Variants in COX14 observed in about 807,000 individuals in gnomAD.
The protein encoded by COX14 is cytochrome c oxidase assembly factor COX14, also known as cytochrome c oxidase assembly protein COX14.
Under a neutral mutation model 5.8 loss-of-function variants are expected in COX14, and 3 were observed. The ratio of observed to expected loss-of-function variants is 0.51; its 90% CI spans 0.23 to 1.33. The LOEUF (loss-of-function observed/expected upper bound fraction) is 1.33. Among genes scored for constraint, COX14 ranks in the 40% most tolerant of loss-of-function variants. The pLI is 0.18. For synonymous variants in COX14, 25 were observed against 26.1 expected (o/e 0.96, Z 0.13); for missense variants, 72 against 72.1 (o/e 1.00, Z 0.01).
chr12:50,112,504 C>G, intron 1 of COX14: 1 of 983,452 alleles, frequency 1.0e-6, no homozygotes, highest in Non-Finnish European at 1.2e-6. Context: ...GTAGGTCAGT[C>G]TTGCTAGAGC....
rs147667471 is a variant in COX14 at position 50,117,168 on chromosome 12, C to T, written c.-8-2868C>T. Among the ~76,000 whole-genome samples the T allele has an allele frequency of 2.2e-3, 333 of 152,182 alleles. 3 individuals are homozygous for T. Among genetic ancestry groups the T allele is most frequent in the African/African-American group, 7.1e-3 (293 of 41,528 alleles). On this transcript the variant is annotated intron_variant, in intron 1 of 1. Transcript: ENST00000550487. The stretch of plus-strand genomic sequence containing the variant: ...GGGACTACAGCCATATGCCACCATG[C>T]GTGGCTAATTTAAAAAAAAATTTTT...
In COX14 at chr12:50,120,118, T is replaced by TG. The variant is rs34028295; in HGVS notation, c.81dup (p.Tyr28ValfsTer39). ...CCTCCATGATGCTTCTCACTGTGTA[T>TG]GGGGGGTACCTCTGCAGTGTCCGAG... On this transcript the variant is annotated frameshift_variant, in exon 2 of 2. Transcript: ENST00000550487. LOFTEE classifies it high-confidence loss of function. 1.1e-5 allele frequency: 18 copies of TG among 1,613,918 alleles called. No homozygotes were observed. Among genetic ancestry groups the TG allele is most frequent in the Middle Eastern group, 1.6e-4 (1 of 6,084 alleles).
intron 1 of COX14, among the ~76,000 whole-genome samples, chr12:50,118,981 T>C (rs1951106862): frequency 6.6e-6 from 1 of 152,182 alleles, no homozygotes; most frequent in African/African-American, 2.4e-5. Context: ...TCTTGTTTCC[T>C]AGCTTGGAAT....
chr12:50,112,326 A>G (rs920835112), intron 1 of COX14, 25 bp downstream of exon 1: 1 of 985,500 alleles, frequency 1.0e-6, no homozygotes, highest in Non-Finnish European at 1.2e-6. Flanking sequence ...AGGGCCGAGC[A>G]GGGGCTGCCA....
chr12:50,112,973 C>G (rs1257541536), intron 1 of COX14: 2 of 146,814 alleles, frequency 1.4e-5, no homozygotes, highest in East Asian at 4.1e-4. Flanking sequence ...TGCTTTGTCG[C>G]TCAGGCTGCA....
rs779967075 is a variant in COX14 at position 50,120,130 on chromosome 12, C to G, written c.87C>G (p.Leu29=). 3.7e-6 allele frequency: 6 copies of G among 1,613,956 alleles called. No individual in the cohort carries two copies. The highest frequency in any genetic ancestry group is 5.1e-6 in the Non-Finnish European group (6 of 1,179,918). The stretch of plus-strand genomic sequence containing the variant: ...TTCTCACTGTGTATGGGGGGTACCT[C>G]TGCAGTGTCCGAGTCTACCACTATT... ...MMLLTVYGGY[L]CSVRVYHYFQ... The change falls in exon 2 of 2, where the codon CTC becomes CTG. Residue 29 remains leucine, a synonymous_variant. Transcript: ENST00000550487.
Position 50,120,275 on chromosome 12 carries a change from C to T in COX14, c.*58C>T. On this transcript the variant is annotated 3_prime_UTR_variant, in exon 2 of 2. Transcript: ENST00000550487. ...CCCAAGGCATGCTGTGGAGAGACTT[C>T]ACCTGCCACCATTTCCAGGTCAACA... 1 of 1,412,404 alleles carries T rather than the reference C, an allele frequency of 7.1e-7. No individual in the cohort carries two copies. The highest frequency in any genetic ancestry group is 2.3e-5 in the East Asian group (1 of 43,512). 87.5% of individuals were successfully genotyped at this position (1,412,404 alleles called of 1,614,324 possible).
intron 1 of COX14, among the ~76,000 whole-genome samples, chr12:50,117,475 T>C (rs142319710): frequency 2.3e-3 from 353 of 152,258 alleles, no homozygotes; most frequent in African/African-American, 7.9e-3. Flanking sequence ...TAGGCCTCAC[T>C]GGCAGGCTTA....
chr12:50,118,049 CTTT>C (rs71676031), intron 1 of COX14, among the ~76,000 whole-genome samples: 3 of 143,974 alleles, frequency 2.1e-5, no homozygotes, highest in Non-Finnish European at 3.0e-5. Flanking sequence ...GGCACCCCCC[CTTT>C]TTTTTTTTTT....
chr12:50,117,581 C>CTT lies in COX14; in HGVS notation c.-8-2441_-8-2440dup, dbSNP rs397850921. On this transcript the variant is annotated intron_variant, in intron 1 of 1. Coordinates refer to ENST00000550487, the MANE Select transcript of COX14 (RefSeq NM_032901.4). ...CCACCCTGGCACTCTTTTTCTGTCT[C>CTT]TTTTTTTTTTTTTTTGAGACGGTGT... Among the ~76,000 whole-genome samples, 1,262 of 134,674 alleles carry CTT rather than the reference C, an allele frequency of 9.4e-3. 19 individuals carry two copies. Among genetic ancestry groups the CTT allele is most frequent in the African/African-American group, 0.03 (1,067 of 35,720 alleles). 88.4% of individuals were successfully genotyped at this position (134,674 alleles called of 152,430 possible). A position where few individuals can be genotyped will look rare whatever the true frequency, so the allele number is the denominator to read the frequency against.
intron 1 of COX14, chr12:50,118,431 C>A (rs1452589762): frequency 8.1e-6 from 8 of 985,086 alleles, no homozygotes; most frequent in African/African-American, 1.7e-5. Context: ...CCAACCCCGT[C>A]CTTGATGGAC....
At chr12:50,115,067 G>GTT (rs545838012) in intron 1 of COX14, among the ~76,000 whole-genome samples, 19 of 117,480 alleles carry the variant, frequency 1.6e-4, no homozygotes, top group South Asian at 8.7e-4. Flanking sequence ...TGCCCGGCCG[G>GTT]TTTTTTTTTT....
intron 1 of COX14, among the ~76,000 whole-genome samples, chr12:50,117,831 G>A (rs7953174): frequency 0.33 from 48,895 of 148,864 alleles, 8,764 homozygotes; most frequent in East Asian, 0.75. Context: ...TGCAGCCTCC[G>A]CCTCCGGGTT....
intron 1 of COX14, among the ~76,000 whole-genome samples, chr12:50,116,670 C>T (rs1445993696): frequency 6.6e-6 from 1 of 152,166 alleles, no homozygotes; most frequent in Non-Finnish European, 1.5e-5. Context: ...CTGCAGGGCT[C>T]TTTGCAGGCG....
At chr12:50,119,587 G>C (rs1951111940) in intron 1 of COX14, among the ~76,000 whole-genome samples, 2 of 152,298 alleles carry the variant, frequency 1.3e-5, no homozygotes, top group South Asian at 4.1e-4. Context: ...TCAGCTACTT[G>C]GGAGGCTGAG....
chr12:50,112,406 G>A (rs1034645166), intron 1 of COX14, 105 bp downstream of exon 1: 3 of 985,668 alleles, frequency 3.0e-6, no homozygotes, highest in South Asian at 4.7e-5. Flanking sequence ...TAGTCTGCAG[G>A]CCTGGTGCCC....
At chr12:50,117,859 T>C (rs1337667818) in intron 1 of COX14, among the ~76,000 whole-genome samples, 6 of 151,184 alleles carry the variant, frequency 4.0e-5, no homozygotes, top group Non-Finnish European at 8.8e-5. Flanking sequence ...TTCTCCTGCC[T>C]CAGCCTCCTG....
At chr12:50,117,703 C>G (rs1192883203) in intron 1 of COX14, among the ~76,000 whole-genome samples, 1 of 151,534 alleles carries the variant, frequency 6.6e-6, no homozygotes, top group East Asian at 1.9e-4. Flanking sequence ...TCTCAGCCTC[C>G]GAGTAGCAGG....
chr12:50,119,862 CTA>C (rs1478738935), intron 1 of COX14, among the ~76,000 whole-genome samples, 172 bp from the exon 2 acceptor site: 8 of 152,124 alleles, frequency 5.3e-5, no homozygotes, highest in Non-Finnish European at 1.2e-4. Context: ...CATAGAGTTC[CTA>C]AATGATATCT....
Sources: allele counts gnomAD v4.1 joint callset (sites outside exome capture counted in the v4.1 genomes callset), GRCh38; gene constraint gnomAD v4.1.1; transcripts MANE v1.5; gene names NCBI Gene and HGNC (gene_info 2026-07-23, HGNC 2026-07-21).